GRIK2: variants seen among roughly 807,000 people sequenced by gnomAD.
The protein encoded by GRIK2 is glutamate receptor ionotropic, kainate 2.
Under a neutral mutation model 100.3 loss-of-function variants are expected in GRIK2, and 32 were observed. That is an observed-to-expected ratio of 0.32 (90% CI 0.24 to 0.43). GRIK2 has a LOEUF of 0.43. Ranked by LOEUF, GRIK2 falls within the 20% of genes least tolerant of loss-of-function variation. GRIK2 has a pLI of 1.00. For synonymous variants in GRIK2, 417 were observed against 389.4 expected (o/e 1.07, Z -0.83); for missense variants, 843 against 1,114.9 (o/e 0.76, Z 3.47).
rs67207909 is a variant in GRIK2, at chr6:101,730,810, A to AT, written c.951+44466dup. On this transcript the variant is annotated intron_variant, in intron 7 of 16. Transcript: ENST00000369134. ...TACTTCACAGCTGGGCAAGATTCAG[A>AT]TTTTTTTTTAAAAATGAGAGGATCA... Among the ~76,000 whole-genome samples, 25 of 151,436 alleles carry AT rather than the reference A, an allele frequency of 1.7e-4. No individual in the cohort carries two copies. The East Asian group carries it at 1.8e-3, about 11-fold the overall frequency.
intron 12 of GRIK2, among the ~76,000 whole-genome samples, chr6:101,901,047 T>C (rs1016234716): frequency 6.6e-6 from 1 of 152,118 alleles, no homozygotes; most frequent in African/African-American, 2.4e-5. Context: ...AAGTTTTTAC[T>C]GCAAGCTAAA....
intron 7 of GRIK2, among the ~76,000 whole-genome samples, chr6:101,747,817 T>A (rs1328352174): frequency 6.6e-6 from 1 of 152,028 alleles, no homozygotes; most frequent in Non-Finnish European, 1.5e-5. Context: ...ATCTTTGAGG[T>A]CACAGCTCAT....
At chr6:101,635,096 T>G (rs1260749388) in intron 4 of GRIK2, among the ~76,000 whole-genome samples, 1 of 151,728 alleles carries the variant, frequency 6.6e-6, no homozygotes, top group Non-Finnish European at 1.5e-5. Context: ...TCAAATAATT[T>G]CCATTTTATT....
chr6:101,401,671 A>G (rs930351993), intron 2 of GRIK2, among the ~76,000 whole-genome samples: 3 of 152,202 alleles, frequency 2.0e-5, no homozygotes, highest in South Asian at 2.1e-4. Flanking sequence ...TTTTGATGTA[A>G]TGGTGGGAGT....
chr6:101,768,997 G>C (rs1006894311), intron 7 of GRIK2, among the ~76,000 whole-genome samples: 1 of 152,088 alleles, frequency 6.6e-6, no homozygotes, highest in Admixed American at 6.5e-5. Flanking sequence ...GTTAAAAACT[G>C]ACCTAAGAGG....
intron 14 of GRIK2, among the ~76,000 whole-genome samples, chr6:102,028,207 T>G (rs753428879): frequency 7.9e-5 from 12 of 151,216 alleles, no homozygotes; most frequent in Non-Finnish European, 1.5e-4. Flanking sequence ...ATGCTCTTTT[T>G]AATACACAAA....
At chr6:101,891,203 A>G (rs1787048704) in intron 12 of GRIK2, among the ~76,000 whole-genome samples, 1 of 151,888 alleles carries the variant, frequency 6.6e-6, no homozygotes, top group Non-Finnish European at 1.5e-5. Flanking sequence ...TCAGTTAAAA[A>G]TTGATTTAAA....
At chr6:101,447,985 A>G (rs1045249314) in intron 2 of GRIK2, among the ~76,000 whole-genome samples, 1 of 151,714 alleles carries the variant, frequency 6.6e-6, no homozygotes, top group Admixed American at 6.6e-5. Context: ...TATGAGCATG[A>G]CCATAATGTG....
chr6:101,738,483 T>C (rs932252797), intron 7 of GRIK2, among the ~76,000 whole-genome samples: 4 of 152,200 alleles, frequency 2.6e-5, no homozygotes, highest in Non-Finnish European at 4.4e-5. Context: ...TTTGTATTTT[T>C]CCCCTGAGGA....
chr6:101,622,121 T>C lies in GRIK2; in HGVS notation c.283+5T>C, dbSNP rs774118234. 3.9e-6 allele frequency: 6 copies of C among 1,528,864 alleles called. No individual in the cohort carries two copies. In the African/African-American group the frequency reaches 8.2e-5, roughly 21 times the overall value. 94.7% of individuals were successfully genotyped at this position (1,528,864 alleles called of 1,614,324 possible). A position where few individuals can be genotyped will look rare whatever the true frequency, so the allele number is the denominator to read the frequency against. The stretch of plus-strand genomic sequence containing the variant: ...GTTTTGAAGCATCCAAGAAAGGTAA[T>C]TGATAGATTTTTAACATCTTTGTTT... On this transcript the variant is annotated splice_donor_5th_base_variant and intron_variant, in intron 3 of 16. Transcript: ENST00000369134.
chr6:101,902,814 T>G (rs1787951887), intron 12 of GRIK2, among the ~76,000 whole-genome samples: 1 of 151,898 alleles, frequency 6.6e-6, no homozygotes, highest in Non-Finnish European at 1.5e-5. Context: ...CAATTATTTT[T>G]ACCTGAAAGT....
At chr6:101,592,908 A>G (rs1484157359) in intron 2 of GRIK2, among the ~76,000 whole-genome samples, 1 of 151,866 alleles carries the variant, frequency 6.6e-6, no homozygotes, top group African/African-American at 2.4e-5. Context: ...AAGGAATTAC[A>G]TCACATGATT....
chr6:101,452,347 A>G (rs1250778625), intron 2 of GRIK2, among the ~76,000 whole-genome samples: 2 of 152,002 alleles, frequency 1.3e-5, no homozygotes, highest in Admixed American at 1.3e-4. Flanking sequence ...TTGGCTGCAT[A>G]TGAAAATCAT....
intron 10 of GRIK2, among the ~76,000 whole-genome samples, chr6:101,847,270 G>T (rs1421498269): frequency 1.3e-5 from 2 of 151,898 alleles, no homozygotes; most frequent in African/African-American, 4.8e-5. Context: ...TTCTCTCAAG[G>T]CCAGTTTCTA....
At chr6:101,561,264 G>A (rs1300061322) in intron 2 of GRIK2, among the ~76,000 whole-genome samples, 1 of 152,038 alleles carries the variant, frequency 6.6e-6, no homozygotes, top group Non-Finnish European at 1.5e-5. Flanking sequence ...TTTGTAATGG[G>A]CTTAAAAGGA....
chr6:101,463,939 A>G (rs1038186652), intron 2 of GRIK2, among the ~76,000 whole-genome samples: 11 of 152,258 alleles, frequency 7.2e-5, no homozygotes, highest in African/African-American at 2.4e-4. Context: ...GCGAGGGTGG[A>G]TTATAATATA....
chr6:101,842,219 C>T (rs1321144668), intron 10 of GRIK2, among the ~76,000 whole-genome samples: 1 of 152,030 alleles, frequency 6.6e-6, no homozygotes, highest in African/African-American at 2.4e-5. Context: ...AACATTTTCT[C>T]CTTATGGGCC....
intron 14 of GRIK2, among the ~76,000 whole-genome samples, chr6:101,945,911 T>G (rs77643688): frequency 5.1e-4 from 8 of 15,554 alleles, no homozygotes; most frequent in African/African-American, 9.7e-4. Context: ...CTATCTACTG[T>G]TTTTTTTTTT....
At chr6:101,961,427 G>A (rs1310715) in intron 14 of GRIK2, among the ~76,000 whole-genome samples, 43,833 of 151,792 alleles carry the variant, frequency 0.29, 6,786 homozygotes, top group Non-Finnish European at 0.35. Flanking sequence ...GTCCTATAAT[G>A]GTTCTCCCTA....
Sources: allele counts gnomAD v4.1 joint callset (sites outside exome capture counted in the v4.1 genomes callset), GRCh38; gene constraint gnomAD v4.1.1; transcripts MANE v1.5; gene names NCBI Gene and HGNC (gene_info 2026-07-23, HGNC 2026-07-21).